The following MIA2 variants were observed in gnomAD, a reference collection of about 807,000 sequenced individuals.
MIA2 encodes MIA SH3 domain ER export factor 2.
In MIA2, 127 loss-of-function variants were observed where a neutral mutation model predicts 167.8. That is an observed-to-expected ratio of 0.76 (90% confidence interval 0.66 to 0.88). MIA2 has a LOEUF of 0.88. Among genes scored for constraint, MIA2 ranks in the 40% least tolerant of loss-of-function variants. The probability of loss-of-function intolerance (pLI) is 0.00; values close to 1 mark genes in which losing one functional copy is unlikely to be tolerated. For missense variants in MIA2, 1,690 were observed against 1,624.7 expected, an observed-to-expected ratio of 1.04 and a Z score of -0.69; for synonymous variants, 552 against 541.9, an observed-to-expected ratio of 1.02 and a Z score of -0.26.
rs746601367 is a variant in MIA2 at position 39,237,011 on chromosome 14, T to G, written c.205T>G (p.Tyr69Asp). The G allele has an allele frequency of 6.2e-7, 1 of 1,614,028 alleles. No homozygotes were observed. Among genetic ancestry groups the G allele is most frequent in the East Asian group, 2.2e-5 (1 of 44,888 alleles). ...CACTAAGGGAGAAGAGATATCTGTTTATGTTAAACTTGCAGGAGAAAGGGA... is the reference window on the plus strand; with the variant it reads ...CACTAAGGGAGAAGAGATATCTGTTGATGTTAAACTTGCAGGAGAAAGGGA... ...NFTKGEEISVYVKLAGEREDL... is the reference protein window; with the variant it reads ...NFTKGEEISVDVKLAGEREDL... Residue 69 changes from tyrosine (Y) to aspartate (D), a missense_variant, in exon 2 of 29, where the codon TAT becomes GAT. Transcript: ENST00000640607.
At chr14:39,279,567 T>G in intron 9 of MIA2, 30 bp downstream of exon 9, 4 of 1,441,886 alleles carry the variant, frequency 2.8e-6, no homozygotes, top group Non-Finnish European at 3.8e-6. Flanking sequence ...AATATTCATG[T>G]TAGAGTCAGA....
At chr14:39,298,628 G>C (rs2152862550) in intron 13 of MIA2, among the ~76,000 whole-genome samples, 1 of 145,884 alleles carries the variant, frequency 6.9e-6, no homozygotes, top group East Asian at 2.0e-4. Context: ...CCAGAACAGA[G>C]TTTTAAAGAC....
rs796479184 is a variant in MIA2, at chr14:39,260,968, C to T, written c.1887+7797C>T. On this transcript the variant is annotated intron_variant, in intron 6 of 28. Transcript: ENST00000640607. ...AGCACCATTTATTAAATAGGGGATC[C>T]TTTCCCCGTTTCTTGTTTTTTTTTC... 2.0e-5 allele frequency among the ~76,000 whole-genome samples: 3 copies of T among 151,898 alleles called. 1 individual carries two copies. The highest frequency in any genetic ancestry group is 7.3e-5 in the African/African-American group (3 of 41,354).
At chr14:39,347,818 C>CTTTTTTTTTTTTTTTTTTTTTTT (rs59832680) in intron 27 of MIA2, 47 bp downstream of exon 27, 1 of 644,380 alleles carries the variant, frequency 1.6e-6, no homozygotes, top group African/African-American at 2.8e-5. Context: ...CAGAAGCCTT[C>CTTTTTTTTTTTTTTTTTTTTTTT]TTTTTTTTTT....
chr14:39,330,832 T>C (rs2068704193), intron 25 of MIA2, among the ~76,000 whole-genome samples: 1 of 152,224 alleles, frequency 6.6e-6, no homozygotes, highest in Non-Finnish European at 1.5e-5. Flanking sequence ...TGAGGGACTG[T>C]TATGATTTCC....
intron 24 of MIA2, among the ~76,000 whole-genome samples, chr14:39,321,385 C>T (rs2066402961): frequency 6.6e-6 from 1 of 152,088 alleles, no homozygotes; most frequent in Non-Finnish European, 1.5e-5. Flanking sequence ...GCGATCTTGG[C>T]TCATTGCAGG....
chr14:39,350,170 C>CCCCA lies in MIA2; in HGVS notation c.4145_4146insCCCA (p.His1383ProfsTer4). 1.4e-6 allele frequency: 2 copies of CCCCA among 1,445,688 alleles called. No homozygotes were observed. Among genetic ancestry groups the CCCCA allele is most frequent in the Non-Finnish European group, 1.9e-6 (2 of 1,057,798 alleles). 89.6% of individuals were successfully genotyped at this position (1,445,688 alleles called of 1,614,324 possible). ...AGACCTGGATTTTTCCCCCCACCCC[C>CCCCA]ACATTCTGAAGGTAGAAGTGAGTTC... is the stretch of plus-strand genomic sequence containing the variant. On this transcript the variant is annotated frameshift_variant, in exon 29 of 29. Transcript: ENST00000640607. LOFTEE classifies it high-confidence loss of function.
In MIA2 at chr14:39,234,220, G is replaced by T. The variant is rs1437669644; in HGVS notation, c.106G>T (p.Glu36Ter). The T allele has an allele frequency of 6.2e-7, 1 of 1,602,784 alleles. No individual in the cohort carries two copies. Residue 36 changes from glutamate (E) to a stop codon, truncating the protein, a stop_gained, in exon 1 of 29, where the codon GAA (glutamate) becomes TAA (stop). Transcript: ENST00000640607. LOFTEE classifies it high-confidence loss of function. The part of the protein sequence containing the change: ...LADLKKCGDL[E>*]CEALINRVSA... Reference sequence around the variant, plus strand: ...AGACCTTAAAAAATGTGGTGACTTGGAATGTGAAGGTAAGTTTGCTTCCCC... The same window carrying T: ...AGACCTTAAAAAATGTGGTGACTTGTAATGTGAAGGTAAGTTTGCTTCCCC...
At chr14:39,386,295 C>A (rs1378234703) in intron 23 of MIA2, 1 of 1,474,458 alleles carries the variant, frequency 6.8e-7, no homozygotes, top group Admixed American at 1.7e-5. Context: ...GAATTTCTGG[C>A]CTCCAAAGTG....
chr14:39,360,454 GT>G lies in MIA2; in HGVS notation c.2248+11488del, dbSNP rs553599065. On this transcript the variant is annotated intron_variant, in intron 23 of 23. Coordinates refer to the MIA2 transcript ENST00000341502. Reference sequence around the variant, plus strand: ...TCATGTCCTTTGCCCATGTTTTAATGTTTTTTTTTTTGTTTGTTTGTTTTTG... The same window carrying G: ...TCATGTCCTTTGCCCATGTTTTAATGTTTTTTTTTTGTTTGTTTGTTTTTG... Among the ~76,000 whole-genome samples, 1,215 of 144,534 alleles carry G rather than the reference GT, an allele frequency of 8.4e-3. 10 individuals are homozygous for G. The highest frequency in any genetic ancestry group is 0.023 in the African/African-American group (917 of 39,446). The allele number at this position is 144,534 out of a possible 152,430, so 94.8% of individuals were successfully genotyped here.
intron 25 of MIA2, among the ~76,000 whole-genome samples, chr14:39,340,489 G>A (rs949244287): frequency 4.6e-5 from 7 of 152,198 alleles, no homozygotes; most frequent in Non-Finnish European, 1.0e-4. Flanking sequence ...TGAATGCATA[G>A]GCGTAGATTT....
At position 39,313,362 on chromosome 14, in the gene MIA2, T is replaced by A. The variant is rs748112947; in HGVS notation, c.3040T>A (p.Tyr1014Asn). Residue 1014 changes from tyrosine (Y) to asparagine (N), a missense_variant, in exon 19 of 29, where the codon TAT becomes AAT. Physicochemically the swap from Tyr to Asn is moderately radical, Grantham distance 143. Coordinates refer to ENST00000640607, the MANE Select transcript of MIA2 (RefSeq NM_001329214.4). Reference sequence around the variant, plus strand: ...AAGGAAATTAACAGTAGAGGAAAATTATCGGTTAGAGAAAGAAGAGAAACT... The same window carrying A: ...AAGGAAATTAACAGTAGAGGAAAATAATCGGTTAGAGAAAGAAGAGAAACT... ...LHRKLTVEEN[Y>N]RLEKEEKLSK... The A allele has an allele frequency of 1.4e-5, 23 of 1,596,218 alleles. No homozygotes were observed. The highest frequency in any genetic ancestry group is 1.9e-5 in the Non-Finnish European group (22 of 1,171,018).
intron 3 of MIA2, among the ~76,000 whole-genome samples, chr14:39,245,081 C>CTTTTATTTT (rs1555343110): frequency 5.0e-5 from 6 of 119,718 alleles, no homozygotes; most frequent in Non-Finnish European, 1.0e-4. Flanking sequence ...CCTAGCTAAC[C>CTTTTATTTT]TTTTTTTTTT....
chr14:39,335,893 A>G (rs1442825973), intron 25 of MIA2, among the ~76,000 whole-genome samples: 1 of 152,212 alleles, frequency 6.6e-6, no homozygotes, highest in Non-Finnish European at 1.5e-5. Flanking sequence ...CACTTAGGAT[A>G]ATGGCTTCCA....
intron 23 of MIA2, chr14:39,386,202 C>G (rs2075270899): frequency 1.4e-6 from 2 of 1,394,314 alleles, no homozygotes; most frequent in Admixed American, 1.7e-5. Context: ...AGGCTAAAGC[C>G]AGATTTTATA....
intron 25 of MIA2, among the ~76,000 whole-genome samples, chr14:39,338,691 A>G (rs187289998): frequency 6.6e-6 from 1 of 152,242 alleles, no homozygotes; most frequent in Non-Finnish European, 1.5e-5. Flanking sequence ...AAATTTATCA[A>G]TGTGACTTAC....
chr14:39,316,861 C>G (rs1254872411), intron 21 of MIA2, among the ~76,000 whole-genome samples: 1 of 152,022 alleles, frequency 6.6e-6, no homozygotes, highest in Non-Finnish European at 1.5e-5. Flanking sequence ...GGAAGGGCAG[C>G]AGGAACATCT....
intron 23 of MIA2, among the ~76,000 whole-genome samples, chr14:39,362,981 G>A (rs921566068): frequency 6.6e-6 from 1 of 152,072 alleles, no homozygotes; most frequent in Admixed American, 6.5e-5. Flanking sequence ...CCATGTATTT[G>A]TATAGTTTCC....
At chr14:39,265,835 CATA>C (rs1033754586) in intron 6 of MIA2, 83 of 298,092 alleles carry the variant, frequency 2.8e-4, no homozygotes, top group African/African-American at 1.6e-3. Flanking sequence ...GAACTATTCA[CATA>C]ATTTTAATAC....
Sources: gnomAD v4.1 joint callset for allele counts (sites outside exome capture counted in the v4.1 genomes callset) on GRCh38, gnomAD v4.1.1 for gene constraint, MANE v1.5 for transcripts, NCBI Gene and HGNC (gene_info 2026-07-23, HGNC 2026-07-21) for gene names.